Variants in EFCAB6 observed in about 807,000 individuals in gnomAD.
EFCAB6 encodes the protein EF-hand calcium-binding domain-containing protein 6.
A neutral mutation model predicts 169.8 loss-of-function variants in EFCAB6; 156 were observed. The observed-to-expected ratio is 0.92, with a 90% CI of 0.81 to 1.05. The LOEUF (loss-of-function observed/expected upper bound fraction) is 1.05, where lower values mean the gene tolerates loss of function less well. Ranked by LOEUF, EFCAB6 falls within the 50% of genes least tolerant of loss-of-function variation. EFCAB6 has a pLI of 0.00. For synonymous variants in EFCAB6, 698 were observed against 676.4 expected, an observed-to-expected ratio of 1.03 and a Z score of -0.50; for missense variants, 1,800 against 1,829.1, an observed-to-expected ratio of 0.98 and a Z score of 0.29.
intron 21 of EFCAB6, among the ~76,000 whole-genome samples, chr22:43,615,422 A>G (rs1024963972): frequency 1.3e-5 from 2 of 152,214 alleles, no homozygotes; most frequent in African/African-American, 4.8e-5. Context: ...GCTCTTTAAA[A>G]TGTATGTTTA....
At chr22:43,725,735 A>C (rs1417426130) in intron 8 of EFCAB6, among the ~76,000 whole-genome samples, 1 of 152,204 alleles carries the variant, frequency 6.6e-6, no homozygotes, top group African/African-American at 2.4e-5. Flanking sequence ...TTCCTACTAC[A>C]TACCAATAAA....
chr22:43,589,963 G>T (rs538100065), intron 24 of EFCAB6, 111 bp downstream of exon 24: 5 of 1,363,192 alleles, frequency 3.7e-6, no homozygotes, highest in Admixed American at 2.1e-5. Context: ...GACATGGAGG[G>T]TATTTTCATC....
chr22:43,690,343 CAAAAAAAAAAA>C (rs137802), intron 10 of EFCAB6, among the ~76,000 whole-genome samples: 1 of 95,860 alleles, frequency 1.0e-5, no homozygotes, highest in Non-Finnish European at 2.0e-5. Flanking sequence ...ACTAAAAATA[CAAAAAAAAAAA>C]AAAAAAAAAA....
intron 6 of EFCAB6, among the ~76,000 whole-genome samples, chr22:43,746,367 C>A (rs543574240): frequency 6.6e-6 from 1 of 152,102 alleles, no homozygotes. Context: ...CTAAAGAAAC[C>A]TAAAAGTCAT....
chr22:43,606,876 G>A (rs144602761), intron 22 of EFCAB6, among the ~76,000 whole-genome samples: 57 of 152,276 alleles, frequency 3.7e-4, no homozygotes, highest in African/African-American at 1.3e-3. Flanking sequence ...AACAGGCTCC[G>A]TCCACTCTCA....
chr22:43,632,251 C>T lies in EFCAB6; in HGVS notation c.2099-13G>A. On this transcript the variant is annotated splice_polypyrimidine_tract_variant and intron_variant, in intron 18 of 31. Transcript: ENST00000262726. ...CTCATTGGAGGATCTGGAACAATTA[C>T]AAAGATCGGGGTTTCCATTAGTGCC... The T allele has an allele frequency of 6.3e-7, 1 of 1,577,964 alleles. No homozygotes were observed. Among genetic ancestry groups the T allele is most frequent in the South Asian group, 1.1e-5 (1 of 90,278 alleles).
chr22:43,703,328 A>G (rs2147292418), intron 10 of EFCAB6, among the ~76,000 whole-genome samples: 1 of 152,372 alleles, frequency 6.6e-6, no homozygotes, highest in East Asian at 1.9e-4. Context: ...TGTCCCATAC[A>G]GAATCACAAG....
At chr22:43,641,230 T>C (rs2055776699) in intron 17 of EFCAB6, among the ~76,000 whole-genome samples, 1 of 152,228 alleles carries the variant, frequency 6.6e-6, no homozygotes, top group Admixed American at 6.5e-5. Flanking sequence ...TGTGTCTGGT[T>C]GAATCCTGAG....
Position 43,733,635 on chromosome 22 carries a change from G to A in EFCAB6, c.645-1824C>T, listed in dbSNP as rs1245046933. On this transcript the variant is annotated intron_variant, in intron 7 of 31. Transcript: ENST00000262726. ...GTCACTGTGAAATCAGCCCTACTAT[G>A]TGCAAGCGCATCACAGGCATGTTGT... Among the ~76,000 whole-genome samples, 3 of 152,140 alleles carry A rather than the reference G, an allele frequency of 2.0e-5. No individual in the cohort carries two copies. The East Asian group carries it at 5.8e-4, about 29-fold the overall frequency.
intron 20 of EFCAB6, among the ~76,000 whole-genome samples, chr22:43,619,387 A>G (rs2053970400): frequency 6.6e-6 from 1 of 152,234 alleles, no homozygotes; most frequent in Non-Finnish European, 1.5e-5. Flanking sequence ...TCAGAGTGTC[A>G]TAATAAAACA....
At chr22:43,694,617 G>A (rs1409742219) in intron 10 of EFCAB6, among the ~76,000 whole-genome samples, 1 of 152,026 alleles carries the variant, frequency 6.6e-6, no homozygotes, top group Non-Finnish European at 1.5e-5. Flanking sequence ...TTATCACTAA[G>A]TGAGGTTTAC....
chr22:43,558,926 G>A (rs1477392997), intron 26 of EFCAB6, among the ~76,000 whole-genome samples: 1 of 152,112 alleles, frequency 6.6e-6, no homozygotes, highest in African/African-American at 2.4e-5. Flanking sequence ...TCTGAGACAT[G>A]CCTGTATGAA....
At chr22:43,530,610 T>C in intron 31 of EFCAB6, 1 of 985,334 alleles carries the variant, frequency 1.0e-6, no homozygotes, top group Non-Finnish European at 1.2e-6. Context: ...TCCAGCAACC[T>C]TTGGGAAGGA....
intron 20 of EFCAB6, among the ~76,000 whole-genome samples, chr22:43,623,907 T>C (rs1328618008): frequency 2.2e-5 from 2 of 89,300 alleles, no homozygotes; most frequent in Non-Finnish European, 2.3e-5. Flanking sequence ...AGACTCCTTC[T>C]CAAAAAAAAA....
intron 30 of EFCAB6, 72 bp from the exon 31 acceptor site, chr22:43,531,036 T>TCGCCC: frequency 6.3e-7 from 1 of 1,587,410 alleles, no homozygotes; most frequent in Non-Finnish European, 8.6e-7. Flanking sequence ...CCTCCTCGCC[T>TCGCCC]CGCCCCCGCC....
intron 17 of EFCAB6, among the ~76,000 whole-genome samples, chr22:43,657,348 T>C (rs181553852): frequency 6.6e-6 from 1 of 152,240 alleles, no homozygotes. Flanking sequence ...CCTCAGCATA[T>C]TTCAAAGGAT....
At chr22:43,602,145 A>T (rs1227258567) in intron 22 of EFCAB6, among the ~76,000 whole-genome samples, 2 of 152,180 alleles carry the variant, frequency 1.3e-5, no homozygotes, top group African/African-American at 4.8e-5. Flanking sequence ...AGTCCTAGAC[A>T]TGAGGTCTCA....
At chr22:43,747,641 A>G (rs1188554494) in intron 6 of EFCAB6, among the ~76,000 whole-genome samples, 3 of 152,060 alleles carry the variant, frequency 2.0e-5, no homozygotes, top group East Asian at 1.9e-4. Flanking sequence ...TTCCTGGCAA[A>G]TTGATCCAGT....
Position 43,711,503 on chromosome 22 carries a change from T to C in EFCAB6, c.1003A>G (p.Arg335Gly), listed in dbSNP as rs1291366798. 5 of 1,584,884 alleles carry C rather than the reference T, an allele frequency of 3.2e-6. No homozygotes were observed. The highest frequency in any genetic ancestry group is 1.4e-5 in the African/African-American group (1 of 72,846). ...TTCATTAACTGGATAAAAATTCTTC[T>C]TGGTATTTGGTATACAAAAGTGTCG... Reference protein sequence around the residue: ...VLDTFVYQIPRRIFIQLMKRF... With the variant: ...VLDTFVYQIPGRIFIQLMKRF... Residue 335 changes from arginine to glycine, a missense_variant, in exon 10 of 32, where the codon AGA becomes GGA. Arg to Gly is a moderately radical substitution (Grantham distance 125). Coordinates refer to ENST00000262726, the MANE Select transcript of EFCAB6 (RefSeq NM_022785.4).
Sources: allele counts gnomAD v4.1 joint callset (sites outside exome capture counted in the v4.1 genomes callset), GRCh38; gene constraint gnomAD v4.1.1; transcripts MANE v1.5; gene names NCBI Gene and HGNC (gene_info 2026-07-23, HGNC 2026-07-21).